GFPT1: variants seen among roughly 807,000 people sequenced by gnomAD.
GFPT1 encodes the protein glutamine--fructose-6-phosphate transaminase 1.
In GFPT1, 40 loss-of-function variants were observed where a neutral mutation model predicts 92.0. The observed-to-expected ratio is 0.43, with a 90% CI of 0.34 to 0.57. The LOEUF is 0.57. Among genes scored for constraint, GFPT1 ranks in the 20% least tolerant of loss-of-function variants. GFPT1 has a pLI of 0.02. For missense variants in GFPT1, 448 were observed against 869.1 expected (o/e 0.52, Z 6.09); for synonymous variants, 269 against 280.6 (o/e 0.96, Z 0.41).
intron 12 of GFPT1, among the ~76,000 whole-genome samples, chr2:69,343,068 A>T (rs1393483512): frequency 6.6e-6 from 1 of 152,174 alleles, no homozygotes; most frequent in Non-Finnish European, 1.5e-5. Context: ...GTGATCCTTT[A>T]AAAACATAAA....
At chr2:69,326,323 A>C in intron 19 of GFPT1, 90 bp from the exon 20 acceptor site, 1 of 788,342 alleles carries the variant, frequency 1.3e-6, no homozygotes, top group Non-Finnish European at 2.1e-6. Context: ...ATTTTTGTTT[A>C]TAAAAACAGA....
At chr2:69,361,409 T>C (rs917084670) in intron 4 of GFPT1, among the ~76,000 whole-genome samples, 6 of 141,792 alleles carry the variant, frequency 4.2e-5, no homozygotes, top group African/African-American at 8.1e-5. Flanking sequence ...AAGCATGCCA[T>C]TGCACTCCAG....
At chr2:69,350,998 G>A (rs1671192331) in intron 9 of GFPT1, among the ~76,000 whole-genome samples, 1 of 151,682 alleles carries the variant, frequency 6.6e-6, no homozygotes, top group Non-Finnish European at 1.5e-5. Flanking sequence ...TTAGCAGCAA[G>A]TCAGCATAAC....
intron 3 of GFPT1, among the ~76,000 whole-genome samples, chr2:69,365,051 C>T (rs1322917082): frequency 7.3e-6 from 1 of 136,666 alleles, no homozygotes; most frequent in Admixed American, 7.3e-5. Context: ...TTCATATAAG[C>T]TATCTTTTCT....
intron 4 of GFPT1, among the ~76,000 whole-genome samples, chr2:69,361,929 A>G (rs892483693): frequency 5.1e-4 from 78 of 152,176 alleles, no homozygotes; most frequent in Non-Finnish European, 6.5e-4. Flanking sequence ...ACAGTGAGCT[A>G]TGATCCCACC....
At chr2:69,351,048 A>G (rs1414942650) in intron 9 of GFPT1, among the ~76,000 whole-genome samples, 3 of 152,240 alleles carry the variant, frequency 2.0e-5, no homozygotes, top group Non-Finnish European at 4.4e-5. Context: ...ATTTGAAAAC[A>G]AAACAGATGC....
intron 1 of GFPT1, among the ~76,000 whole-genome samples, chr2:69,382,581 T>C (rs1035917089): frequency 6.6e-5 from 10 of 152,238 alleles, no homozygotes; most frequent in Admixed American, 2.6e-4. Flanking sequence ...CTTTTTCTAC[T>C]TTTATAGACT....
At chr2:69,384,858 G>A (rs2104707352) in intron 1 of GFPT1, among the ~76,000 whole-genome samples, 1 of 152,194 alleles carries the variant, frequency 6.6e-6, no homozygotes, top group Non-Finnish European at 1.5e-5. Context: ...CAGAAAGTAA[G>A]CTTCCAGATT....
intron 1 of GFPT1, among the ~76,000 whole-genome samples, chr2:69,379,226 C>T (rs1259192327): frequency 6.6e-6 from 1 of 152,138 alleles, no homozygotes; most frequent in African/African-American, 2.4e-5. Flanking sequence ...CCCAGTCCTT[C>T]AGCTATAAAT....
rs558130566 is a variant in GFPT1, at chr2:69,348,481, C to A, written c.846-147G>T. The stretch of plus-strand genomic sequence containing the variant: ...AGAATTTTCTGGTTACTAATGCCAA[C>A]CCCTACAGGAAAGTATGGGGAAGGT... On this transcript the variant is annotated intron_variant, in intron 10 of 19. Coordinates refer to ENST00000357308, the MANE Select transcript of GFPT1 (RefSeq NM_001244710.2). 1.8e-4 allele frequency: 129 copies of A among 723,548 alleles called. No homozygotes were observed. The African/African-American group carries it at 2.1e-3, about 12-fold the overall frequency. The allele number at this position is 723,548 out of a possible 1,614,324, so 44.8% of individuals were successfully genotyped here.
chr2:69,353,305 G>C (rs1671257297), intron 9 of GFPT1, among the ~76,000 whole-genome samples: 1 of 152,164 alleles, frequency 6.6e-6, no homozygotes, highest in Non-Finnish European at 1.5e-5. Flanking sequence ...AGGAGGTTGA[G>C]GTGGGAGGAT....
intron 13 of GFPT1, 73 bp downstream of exon 13, chr2:69,342,079 G>T: frequency 1.2e-6 from 1 of 804,228 alleles, no homozygotes; most frequent in Non-Finnish European, 2.1e-6. Flanking sequence ...TACACAGTAT[G>T]TTATTAGACT....
intron 7 of GFPT1, among the ~76,000 whole-genome samples, chr2:69,355,649 G>A (rs1671318604): frequency 6.6e-6 from 1 of 152,102 alleles, no homozygotes; most frequent in Admixed American, 6.5e-5. Flanking sequence ...TAATGTTAAA[G>A]GGAACCTTCC....
Position 69,323,698 on chromosome 2 carries a change from A to C in GFPT1, c.*2491T>G, listed in dbSNP as rs1456333670. ...AAAAAATTTTTTTTTTTTTTTTTTG[A>C]GAGAGTCTTGCTCTGTCGCCAGGCT... On this transcript the variant is annotated 3_prime_UTR_variant, in exon 20 of 20. Transcript: ENST00000357308. The C allele has an allele frequency of 7.7e-6, 1 of 129,826 alleles. No individual in the cohort carries two copies. Among genetic ancestry groups the C allele is most frequent in the South Asian group, 2.4e-4 (1 of 4,138 alleles). 8.0% of individuals were successfully genotyped at this position (129,826 alleles called of 1,614,324 possible).
chr2:69,326,960 G>A lies in GFPT1; in HGVS notation c.2009C>T (p.Pro670Leu). 6.2e-7 allele frequency: 1 copy of A among 1,614,214 alleles called. No homozygotes were observed. Among genetic ancestry groups the A allele is most frequent in the Non-Finnish European group, 8.5e-7 (1 of 1,180,030 alleles). ...DCLQGILSVI[P>L]LQLLAFHLAV... ...AAGGTGGAAAGCCAGCAACTGTAAAGGGATCACGCTGAGAATGCCCTGCAA... is the reference window on the plus strand; with the variant it reads ...AAGGTGGAAAGCCAGCAACTGTAAAAGGATCACGCTGAGAATGCCCTGCAA... The change falls in exon 19 of 20, where the codon CCT (proline) becomes CTT (leucine). Residue 670 changes from proline to leucine, a missense_variant. Coordinates refer to ENST00000357308, the MANE Select transcript of GFPT1 (RefSeq NM_001244710.2).
At chr2:69,348,769 A>C (rs551537979) in intron 10 of GFPT1, among the ~76,000 whole-genome samples, 39 of 152,308 alleles carry the variant, frequency 2.6e-4, no homozygotes, top group Non-Finnish European at 5.1e-4. Flanking sequence ...CATTTCTGCC[A>C]AAATTGATAT....
At chr2:69,385,671 G>A (rs1672113451) in intron 1 of GFPT1, among the ~76,000 whole-genome samples, 1 of 151,878 alleles carries the variant, frequency 6.6e-6, no homozygotes, top group Admixed American at 6.6e-5. Flanking sequence ...ACTACCAAAT[G>A]AAGCACACTG....
intron 1 of GFPT1, among the ~76,000 whole-genome samples, chr2:69,379,982 G>C (rs1188781448): frequency 6.6e-6 from 1 of 151,936 alleles, no homozygotes; most frequent in Non-Finnish European, 1.5e-5. Context: ...GCCTCCCAAA[G>C]TGCTGGGATT....
intron 9 of GFPT1, among the ~76,000 whole-genome samples, chr2:69,350,393 G>A (rs1444686439): frequency 6.6e-6 from 1 of 152,080 alleles, no homozygotes; most frequent in Non-Finnish European, 1.5e-5. Flanking sequence ...AACTATCAAA[G>A]AGTGCGTGGC....
Sources: allele counts gnomAD v4.1 joint callset (sites outside exome capture counted in the v4.1 genomes callset), GRCh38; gene constraint gnomAD v4.1.1; transcripts MANE v1.5; gene names NCBI Gene and HGNC (gene_info 2026-07-23, HGNC 2026-07-21).